COX18: variants seen among roughly 807,000 people sequenced by gnomAD.
COX18 encodes the protein cytochrome c oxidase assembly factor COX18.
COX18 carries 45 observed loss-of-function variants against 38.0 expected under a neutral mutation model. The ratio of observed to expected loss-of-function variants is 1.18; its 90% CI spans 0.93 to 1.52. The LOEUF (loss-of-function observed/expected upper bound fraction) is 1.52. COX18 is among the 40% of genes most tolerant of loss of function. The pLI is 0.00. For synonymous variants in COX18, 177 were observed against 169.8 expected (o/e 1.04, Z -0.33); for missense variants, 462 against 423.8 (o/e 1.09, Z -0.79).
chr4:73,054,961 C>G lies in COX18; in HGVS notation c.*3153G>C, dbSNP rs1259626364. 1.3e-5 allele frequency: 2 copies of G among 152,106 alleles called. No homozygotes were observed. The highest frequency in any genetic ancestry group is 4.8e-5 in the African/African-American group (2 of 41,414). 9.4% of individuals were successfully genotyped at this position (152,106 alleles called of 1,614,324 possible). ...GATGTCAGGGATTGGGGATAAAGAC[C>G]AAATACATATTTCACAATATCATAG... is the stretch of plus-strand genomic sequence containing the variant. On this transcript the variant is annotated 3_prime_UTR_variant, in exon 6 of 6. Coordinates refer to ENST00000507544, the MANE Select transcript of COX18 (RefSeq NM_001297732.2).
chr4:73,063,312 A>AAAACAAAC (rs142907172), intron 4 of COX18, among the ~76,000 whole-genome samples: 6 of 151,898 alleles, frequency 4.0e-5, no homozygotes, highest in African/African-American at 1.5e-4. Flanking sequence ...TCTCAAGAAA[A>AAAACAAAC]AAACAAACAA....
At position 73,053,772 on chromosome 4, in the gene COX18, T is replaced by C. The variant is rs1210767641; in HGVS notation, c.*4342A>G. On this transcript the variant is annotated 3_prime_UTR_variant, in exon 6 of 6. Coordinates refer to ENST00000507544, the MANE Select transcript of COX18 (RefSeq NM_001297732.2). ...CTGTCAGGGTGGCAATTAAGAATTT[T>C]GGTTTTCCTTTGTAAGCCTCATCTT... is the stretch of plus-strand genomic sequence containing the variant. The C allele has an allele frequency of 6.6e-6, 1 of 152,230 alleles. No individual in the cohort carries two copies. Among genetic ancestry groups the C allele is most frequent in the Non-Finnish European group, 1.5e-5 (1 of 68,046 alleles). The allele number at this position is 152,230 out of a possible 1,614,324, so 9.4% of individuals were successfully genotyped here.
intron 5 of COX18, among the ~76,000 whole-genome samples, chr4:73,061,080 C>T (rs1162872438): frequency 6.6e-6 from 1 of 152,220 alleles, no homozygotes; most frequent in East Asian, 1.9e-4. Context: ...ATAACCATTT[C>T]TTTTTCTATT....
At chr4:73,066,654 A>C (rs1268583036) in intron 2 of COX18, among the ~76,000 whole-genome samples, 1 of 152,228 alleles carries the variant, frequency 6.6e-6, no homozygotes, top group Non-Finnish European at 1.5e-5. Flanking sequence ...GCAAGGTGCC[A>C]CAAGTCTTAT....
intron 4 of COX18, 25 bp from the exon 5 acceptor site, chr4:73,061,945 C>T (rs750817302): frequency 8.4e-7 from 1 of 1,188,026 alleles, no homozygotes; most frequent in Non-Finnish European, 1.2e-6. Context: ...CATATACATG[C>T]ATAATGATTA....
chr4:73,069,466 AAG>A lies in COX18; in HGVS notation c.182_183del (p.Ser61PhefsTer66), dbSNP rs769458105. 2.4e-3 allele frequency: 3,788 copies of A among 1,591,650 alleles called. 10 individuals carry two copies. The highest frequency in any genetic ancestry group is 2.8e-3 in the Non-Finnish European group (3,312 of 1,170,382). On this transcript the variant is annotated frameshift_variant, in exon 1 of 6. Transcript: ENST00000507544. LOFTEE classifies it high-confidence loss of function. ...ACTTCCTCCGCAACCCGCACCGGCGAAGACGCGGCCAGGGCCTCGTACCAGCC... is the reference window on the plus strand; with the variant it reads ...ACTTCCTCCGCAACCCGCACCGGCGAACGCGGCCAGGGCCTCGTACCAGCC... The part of the protein sequence containing the change: ...ANGWYEALAA[S>X]SPVRVAEEVL...
At position 73,053,601 on chromosome 4, in the gene COX18, G is replaced by C. The variant is rs894645423; in HGVS notation, c.*4513C>G. 1 of 152,166 alleles carries C rather than the reference G, an allele frequency of 6.6e-6. No individual in the cohort carries two copies. The highest frequency in any genetic ancestry group is 1.5e-5 in the Non-Finnish European group (1 of 68,062). 9.4% of individuals were successfully genotyped at this position (152,166 alleles called of 1,614,324 possible). On this transcript the variant is annotated 3_prime_UTR_variant, in exon 6 of 6. Coordinates refer to ENST00000507544, the MANE Select transcript of COX18 (RefSeq NM_001297732.2). ...TCAGGTCTCCAAGTCTGTTCTTTCG[G>C]TTTGGACGGGTAAATGGGTGGTTCT...
At position 73,054,717 on chromosome 4, in the gene COX18, GATTC is replaced by G; in HGVS notation, c.*3393_*3396del. 1 of 152,282 alleles carries G rather than the reference GATTC, an allele frequency of 6.6e-6. No individual in the cohort carries two copies. Among genetic ancestry groups the G allele is most frequent in the African/African-American group, 2.4e-5 (1 of 41,570 alleles). The allele number at this position is 152,282 out of a possible 1,614,324, so 9.4% of individuals were successfully genotyped here. On this transcript the variant is annotated 3_prime_UTR_variant, in exon 6 of 6. Transcript: ENST00000507544. ...AAGGTAAATTATGCACATGAAAGAA[GATTC>G]ATTTATTTGAAAAGGAAGTATCTGG...
At chr4:73,064,731 C>T in intron 4 of COX18, 47 bp downstream of exon 4, 13 of 1,597,200 alleles carry the variant, frequency 8.1e-6, no homozygotes, top group Non-Finnish European at 1.1e-5. Context: ...ACAGCAGCAA[C>T]AAAAATCCCC....
chr4:73,057,228 A>G lies in COX18; in HGVS notation c.*886T>C, dbSNP rs1380137638. 1 of 152,168 alleles carries G rather than the reference A, an allele frequency of 6.6e-6. No homozygotes were observed. Among genetic ancestry groups the G allele is most frequent in the Non-Finnish European group, 1.5e-5 (1 of 68,092 alleles). 9.4% of individuals were successfully genotyped at this position (152,168 alleles called of 1,614,324 possible). On this transcript the variant is annotated 3_prime_UTR_variant, in exon 6 of 6. Transcript: ENST00000507544. ...GATTAGTTGAGGTCAGCAGTTCCAG[A>G]CCAGCCTGTCCAACATGGTGAAACC...
At position 73,068,023 on chromosome 4, in the gene COX18, G is replaced by C; in HGVS notation, c.434+6C>G. 6.3e-7 allele frequency: 1 copy of C among 1,577,296 alleles called. No homozygotes were observed. Among genetic ancestry groups the C allele is most frequent in the Non-Finnish European group, 8.7e-7 (1 of 1,151,514 alleles). The stretch of plus-strand genomic sequence containing the variant: ...GTATGGTCTTACGTGGATATAATTA[G>C]CTTACCTGGCATCTCTTTTGGACCA... On this transcript the variant is annotated splice_donor_region_variant and intron_variant, in intron 2 of 5. Coordinates refer to ENST00000507544, the MANE Select transcript of COX18 (RefSeq NM_001297732.2).
intron 4 of COX18, among the ~76,000 whole-genome samples, chr4:73,063,076 G>A (rs1720256313): frequency 6.6e-6 from 1 of 152,070 alleles, no homozygotes; most frequent in East Asian, 1.9e-4. Context: ...AGGCTGAGGC[G>A]GGCGGATCAT....
Position 73,069,385 on chromosome 4 carries a change from A to C in COX18, c.265T>G (p.Ser89Ala). The stretch of plus-strand genomic sequence containing the variant: ...ACAGCACCCCGTAAGGCCACGGTGG[A>C]GAGCAGAATGCTGCCCCACCAGGGC... ...GLPWWGSILL[S>A]TVALRGAVTL... Residue 89 changes from serine to alanine, a missense_variant, in exon 1 of 6, where the codon TCC (serine) becomes GCC (alanine). Coordinates refer to ENST00000507544, the MANE Select transcript of COX18 (RefSeq NM_001297732.2). 6.4e-7 allele frequency: 1 copy of C among 1,562,540 alleles called. No individual in the cohort carries two copies. The highest frequency in any genetic ancestry group is 8.7e-7 in the Non-Finnish European group (1 of 1,154,368).
rs1719959216 is a variant in COX18, at chr4:73,057,651, T to A, written c.*463A>T. On this transcript the variant is annotated 3_prime_UTR_variant, in exon 6 of 6. Transcript: ENST00000507544. ...ATAACATTTAAAAGATTTTAATTACTGTCAAATATATCTGGATTACATCTT... is the reference window on the plus strand; with the variant it reads ...ATAACATTTAAAAGATTTTAATTACAGTCAAATATATCTGGATTACATCTT... 1 of 152,712 alleles carries A rather than the reference T, an allele frequency of 6.5e-6. No homozygotes were observed. Among genetic ancestry groups the A allele is most frequent in the Non-Finnish European group, 1.5e-5 (1 of 68,428 alleles). 9.5% of individuals were successfully genotyped at this position (152,712 alleles called of 1,614,324 possible).
intron 5 of COX18, among the ~76,000 whole-genome samples, chr4:73,059,973 T>TTA (rs1462746962): frequency 1.3e-5 from 2 of 152,194 alleles, no homozygotes; most frequent in African/African-American, 4.8e-5. Flanking sequence ...AACTAAGATG[T>TTA]TAACACAACT....
chr4:73,067,864 A>AAAAATAAATATATAT, intron 2 of COX18, among the ~76,000 whole-genome samples, 165 bp downstream of exon 2: 1 of 20,010 alleles, frequency 5.0e-5, no homozygotes, highest in Non-Finnish European at 1.6e-4. Context: ...AAAAAAAAAA[A>AAAAATAAATATATAT]ATATATATAT....
intron 5 of COX18, among the ~76,000 whole-genome samples, chr4:73,061,477 G>A (rs1720150835): frequency 1.3e-5 from 2 of 151,794 alleles, no homozygotes; most frequent in Non-Finnish European, 2.9e-5. Context: ...CGGAGGCCGA[G>A]GCGGGAGGAT....
rs1248005762 is a variant in COX18, at chr4:73,055,947, T to A, written c.*2167A>T. ...ACCTAGTCTTAATTGCCACCATCTA[T>A]GTCTAAAATAAATTCTCAGGGAAGC... On this transcript the variant is annotated 3_prime_UTR_variant, in exon 6 of 6. Transcript: ENST00000507544. 1 of 152,202 alleles carries A rather than the reference T, an allele frequency of 6.6e-6. No individual in the cohort carries two copies. The highest frequency in any genetic ancestry group is 1.9e-4 in the East Asian group (1 of 5,200). The allele number at this position is 152,202 out of a possible 1,614,324, so 9.4% of individuals were successfully genotyped here. A position where few individuals can be genotyped will look rare whatever the true frequency, so the allele number is the denominator to read the frequency against.
At chr4:73,069,232 C>T in intron 1 of COX18, 85 bp downstream of exon 1, 2 of 995,282 alleles carry the variant, frequency 2.0e-6, no homozygotes, top group Non-Finnish European at 2.9e-6. Context: ...CAACATCGTG[C>T]GATCGAAAAC....
Sources: gnomAD v4.1 joint callset for allele counts (sites outside exome capture counted in the v4.1 genomes callset) on GRCh38, gnomAD v4.1.1 for gene constraint, MANE v1.5 for transcripts, NCBI Gene and HGNC (gene_info 2026-07-23, HGNC 2026-07-21) for gene names.